The following RBFOX1 variants were observed in gnomAD, a reference collection of about 807,000 sequenced individuals.
The protein encoded by RBFOX1 is RNA binding fox-1 homolog 1.
A neutral mutation model predicts 57.7 loss-of-function variants in RBFOX1; 8 were observed. That is an observed-to-expected ratio of 0.14 (90% CI 0.08 to 0.25). RBFOX1 has a LOEUF of 0.25. RBFOX1 is among the 10% of genes least tolerant of loss of function. The pLI is 1.00. For missense variants in RBFOX1, 611 were observed against 548.5 expected, an observed-to-expected ratio of 1.11 and a Z score of -1.14; for synonymous variants, 326 against 222.4, an observed-to-expected ratio of 1.47 and a Z score of -4.15.
chr16:6,529,605 G>A (rs1177314545), intron 2 of RBFOX1, among the ~76,000 whole-genome samples: 1 of 151,486 alleles, frequency 6.6e-6, no homozygotes, highest in Non-Finnish European at 1.5e-5. Flanking sequence ...TATCCTAAAT[G>A]TAACATTGAG....
At chr16:7,566,306 CA>C (rs1226349595) in intron 5 of RBFOX1, among the ~76,000 whole-genome samples, 1 of 152,090 alleles carries the variant, frequency 6.6e-6, no homozygotes, top group Non-Finnish European at 1.5e-5. Flanking sequence ...CTCATTCACC[CA>C]CCTCACTGCT....
chr16:7,189,732 C>G (rs1019145348), intron 4 of RBFOX1, among the ~76,000 whole-genome samples: 2 of 152,200 alleles, frequency 1.3e-5, no homozygotes, highest in African/African-American at 4.8e-5. Context: ...TCAGCAGTTC[C>G]CGTGGTTCCC....
intron 3 of RBFOX1, among the ~76,000 whole-genome samples, chr16:6,825,420 A>C (rs2091993458): frequency 6.6e-6 from 1 of 152,112 alleles, no homozygotes; most frequent in African/African-American, 2.4e-5. Flanking sequence ...TTATTCAGCA[A>C]GGCAGGGATG....
intron 3 of RBFOX1, among the ~76,000 whole-genome samples, chr16:6,954,290 T>A (rs573854784): frequency 2.0e-5 from 3 of 152,158 alleles, no homozygotes; most frequent in Non-Finnish European, 4.4e-5. Flanking sequence ...TCGCCAATTT[T>A]GACAGTGAGA....
chr16:7,387,437 C>A (rs1404595681), intron 4 of RBFOX1, among the ~76,000 whole-genome samples: 1 of 152,196 alleles, frequency 6.6e-6, no homozygotes, highest in African/African-American at 2.4e-5. Flanking sequence ...GATATTCATT[C>A]ATATACCCCT....
chr16:7,480,277 C>A (rs1232507075), intron 4 of RBFOX1, among the ~76,000 whole-genome samples: 1 of 152,186 alleles, frequency 6.6e-6, no homozygotes, highest in Non-Finnish European at 1.5e-5. Context: ...AAGGACAGAT[C>A]TGACATCTAG....
chr16:6,373,669 T>C (rs2090790621), intron 2 of RBFOX1, among the ~76,000 whole-genome samples: 1 of 151,984 alleles, frequency 6.6e-6, no homozygotes, highest in African/African-American at 2.4e-5. Flanking sequence ...AGATATACAG[T>C]TGGATGGAAG....
chr16:6,114,189 G>A (rs1326492425), intron 1 of RBFOX1, among the ~76,000 whole-genome samples: 2 of 152,048 alleles, frequency 1.3e-5, no homozygotes, highest in Non-Finnish European at 2.9e-5. Flanking sequence ...TTCTCTTGTT[G>A]GTTATTTTAC....
At chr16:5,478,031 G>C (rs748248422) in intron 2 of RBFOX1, among the ~76,000 whole-genome samples, 1 of 151,988 alleles carries the variant, frequency 6.6e-6, no homozygotes, top group Non-Finnish European at 1.5e-5. Context: ...TCAGTAGGGA[G>C]GGATCAGGGG....
intron 4 of RBFOX1, among the ~76,000 whole-genome samples, chr16:7,257,516 G>A (rs1004204932): frequency 5.3e-5 from 8 of 152,060 alleles, no homozygotes; most frequent in East Asian, 1.9e-4. Context: ...TTAATGAGCC[G>A]GTAGCCCATG....
At chr16:6,903,297 T>G (rs145746638) in intron 3 of RBFOX1, among the ~76,000 whole-genome samples, 2,550 of 152,272 alleles carry the variant, frequency 0.017, 31 homozygotes, top group Non-Finnish European at 0.022. Context: ...TGACCGTTCC[T>G]AGAGAGGTCA....
intron 3 of RBFOX1, among the ~76,000 whole-genome samples, chr16:6,957,110 TTTTATTTTTA>T (rs2082013231): frequency 8.1e-6 from 1 of 123,814 alleles, no homozygotes; most frequent in African/African-American, 3.2e-5. Context: ...ATTTTTTTAT[TTTTATTTTTA>T]TTTATTTATT....
At position 5,817,365 on chromosome 16, in the gene RBFOX1, C is replaced by T. The variant is rs540249179; in HGVS notation, c.319-49938C>T. On this transcript the variant is annotated intron_variant, in intron 3 of 19. Coordinates refer to the RBFOX1 transcript ENST00000641259. ...AAGCAGGTACTGATGGATAACGGAA[C>T]TCTCACTGATATCCCATTCGTGGTT... Among the ~76,000 whole-genome samples, 408 of 152,330 alleles carry T rather than the reference C, an allele frequency of 2.7e-3. 3 individuals carry two copies. Among genetic ancestry groups the T allele is most frequent in the Non-Finnish European group, 4.2e-3 (284 of 68,030 alleles).
At chr16:6,125,595 A>G (rs181950337) in intron 1 of RBFOX1, among the ~76,000 whole-genome samples, 12 of 152,314 alleles carry the variant, frequency 7.9e-5, no homozygotes, top group Admixed American at 7.8e-4. Context: ...ATTCATGGGA[A>G]TCGTGTACCC....
chr16:6,116,927 G>C (rs2096502283), intron 1 of RBFOX1, among the ~76,000 whole-genome samples: 1 of 152,114 alleles, frequency 6.6e-6, no homozygotes, highest in Non-Finnish European at 1.5e-5. Context: ...AGAGATGCTG[G>C]AGGCTCTACA....
At position 5,504,551 on chromosome 16, in the gene RBFOX1, C is replaced by T. The variant is rs188990965; in HGVS notation, c.258+37297C>T. Among the ~76,000 whole-genome samples the T allele has an allele frequency of 9.9e-4, 151 of 152,334 alleles. 2 individuals are homozygous for T. The Middle Eastern group carries it at 0.024, about 24-fold the overall frequency. ...ATAGGCTCTGCTGACGCCCTCCACG[C>T]GCCTGGTGGGTTGGATTGTCTGTTA... On this transcript the variant is annotated intron_variant, in intron 2 of 2. Transcript: ENST00000585867.
intron 1 of RBFOX1, among the ~76,000 whole-genome samples, chr16:5,275,285 C>CAT (rs2063114191): frequency 3.2e-4 from 48 of 152,100 alleles, no homozygotes; most frequent in Admixed American, 3.1e-3. Flanking sequence ...AAACATTGAT[C>CAT]ATTTCTTTGT....
intron 4 of RBFOX1, among the ~76,000 whole-genome samples, chr16:5,921,274 T>C (rs2058815601): frequency 6.6e-6 from 1 of 152,198 alleles, no homozygotes; most frequent in Non-Finnish European, 1.5e-5. Context: ...CTTTCCCTCT[T>C]TCGCCTCCCT....
chr16:6,012,876 T>C (rs899651449), intron 4 of RBFOX1, among the ~76,000 whole-genome samples: 5 of 152,176 alleles, frequency 3.3e-5, no homozygotes, highest in African/African-American at 1.2e-4. Context: ...TGGCTTTCAC[T>C]TGGATAAAGG....
Sources: allele counts gnomAD v4.1 joint callset (sites outside exome capture counted in the v4.1 genomes callset), GRCh38; gene constraint gnomAD v4.1.1; transcripts MANE v1.5; gene names NCBI Gene and HGNC (gene_info 2026-07-23, HGNC 2026-07-21).